Variants in EML6 observed in about 807,000 individuals in gnomAD.
EML6 encodes the protein echinoderm microtubule-associated protein-like 6.
A neutral mutation model predicts 240.1 loss-of-function variants in EML6; 154 were observed. That is an observed-to-expected ratio of 0.64 (90% CI 0.56 to 0.73). The LOEUF (loss-of-function observed/expected upper bound fraction) is 0.73, where lower values mean the gene tolerates loss of function less well. Ranked by LOEUF, EML6 falls within the 30% of genes least tolerant of loss-of-function variation. The pLI, the probability that EML6 is intolerant of heterozygous loss-of-function variation, is 0.00. For synonymous variants in EML6, 1,148 were observed against 899.0 expected, an observed-to-expected ratio of 1.28 and a Z score of -4.95; for missense variants, 2,964 against 2,474.6, an observed-to-expected ratio of 1.20 and a Z score of -4.20.
At chr2:54,792,855 C>T (rs1010802228) in intron 2 of EML6, among the ~76,000 whole-genome samples, 12 of 151,974 alleles carry the variant, frequency 7.9e-5, no homozygotes, top group Admixed American at 1.3e-4. Flanking sequence ...TGAGGACATA[C>T]GGATTATTGG....
intron 7 of EML6, among the ~76,000 whole-genome samples, chr2:54,836,118 G>A (rs899493504): frequency 3.9e-5 from 6 of 152,152 alleles, no homozygotes; most frequent in South Asian, 2.1e-4. Context: ...GCAGAGGCCC[G>A]AGCCTCAGGA....
intron 25 of EML6, among the ~76,000 whole-genome samples, chr2:54,915,639 T>C (rs1673870524): frequency 6.6e-6 from 1 of 152,120 alleles, no homozygotes; most frequent in Admixed American, 6.6e-5. Flanking sequence ...ATGAGAAATT[T>C]GAGGGACTAA....
intron 2 of EML6, among the ~76,000 whole-genome samples, chr2:54,738,136 G>A (rs1449523928): frequency 6.6e-6 from 1 of 150,918 alleles, no homozygotes; most frequent in African/African-American, 2.4e-5. Flanking sequence ...TATTTCTTTT[G>A]ATCCATCTTG....
intron 26 of EML6, among the ~76,000 whole-genome samples, chr2:54,922,205 C>A (rs2104353857): frequency 6.6e-6 from 1 of 152,238 alleles, no homozygotes; most frequent in East Asian, 1.9e-4. Flanking sequence ...ATGAATTTTA[C>A]AACTCAATAG....
intron 2 of EML6, among the ~76,000 whole-genome samples, chr2:54,785,377 T>C (rs1215594423): frequency 6.6e-6 from 1 of 151,994 alleles, no homozygotes; most frequent in Non-Finnish European, 1.5e-5. Flanking sequence ...GGTTTCACCA[T>C]GTTGCCAGGC....
At chr2:54,877,853 T>G (rs1026354262) in intron 16 of EML6, among the ~76,000 whole-genome samples, 1 of 152,254 alleles carries the variant, frequency 6.6e-6, no homozygotes, top group Non-Finnish European at 1.5e-5. Context: ...GGAGAGGATT[T>G]GGTTTGTTAA....
chr2:54,968,789 G>C (rs750674975), intron 41 of EML6, 21 bp downstream of exon 41: 2 of 1,345,586 alleles, frequency 1.5e-6, no homozygotes, highest in South Asian at 2.5e-5. Context: ...AGCTGACCCA[G>C]TTCTTACTCC....
rs1301902320 is a variant in EML6 at position 54,894,963 on chromosome 2, A to G, written c.2791A>G (p.Met931Val). 3 of 1,551,374 alleles carry G rather than the reference A, an allele frequency of 1.9e-6. No individual in the cohort carries two copies. The highest frequency in any genetic ancestry group is 1.7e-6 in the Non-Finnish European group (2 of 1,146,802). The change falls in exon 20 of 42, where the codon ATG becomes GTG. Residue 931 changes from methionine (M) to valine (V), a missense_variant. Transcript: ENST00000356458. The stretch of plus-strand genomic sequence containing the variant: ...CGGCATCGTGGAGCTCTGGGATGAT[A>G]TGTTTGAAAGATGTTTGAAGACTTA... The part of the protein sequence containing the change: ...KDGIVELWDD[M>V]FERCLKTYAI...
In EML6 at chr2:54,850,209, A is replaced by G. The variant is rs766137395; in HGVS notation, c.1435A>G (p.Arg479Gly). ...NDGAGERLFY[R>G]MPSGKPLTSK... ...CGGTGCAGGAGAACGATTGTTCTACAGAATGCCATGTAAGTCATGTGGAGG... is the reference window on the plus strand; with the variant it reads ...CGGTGCAGGAGAACGATTGTTCTACGGAATGCCATGTAAGTCATGTGGAGG... Residue 479 changes from arginine (R) to glycine (G), a missense_variant, in exon 10 of 42, where the codon AGA (arginine) becomes GGA (glycine). Coordinates refer to ENST00000356458, the MANE Select transcript of EML6 (RefSeq NM_001039753.4). 2 of 1,551,224 alleles carry G rather than the reference A, an allele frequency of 1.3e-6. No individual in the cohort carries two copies.
At chr2:54,900,392 G>C (rs1055097454) in intron 22 of EML6, among the ~76,000 whole-genome samples, 3 of 152,172 alleles carry the variant, frequency 2.0e-5, no homozygotes, top group African/African-American at 7.2e-5. Context: ...AATTCGAGGA[G>C]AGTCTTTAAA....
chr2:54,966,291 C>T (rs1676744206), intron 38 of EML6, among the ~76,000 whole-genome samples: 1 of 152,194 alleles, frequency 6.6e-6, no homozygotes, highest in South Asian at 2.1e-4. Flanking sequence ...TAGGTGTTAG[C>T]CAACAGAGAG....
intron 9 of EML6, 98 bp from the exon 10 acceptor site, chr2:54,849,864 C>G (rs1399769044): frequency 2.1e-6 from 2 of 940,226 alleles, no homozygotes; most frequent in African/African-American, 1.7e-5. Flanking sequence ...AGGTTTGGTT[C>G]TCTTTCAACA....
At chr2:54,750,958 G>A (rs1271042516) in intron 2 of EML6, among the ~76,000 whole-genome samples, 1 of 152,132 alleles carries the variant, frequency 6.6e-6, no homozygotes, top group African/African-American at 2.4e-5. Flanking sequence ...GTTATTACCA[G>A]AAGAAAGGGA....
chr2:54,949,178 A>T (rs1675841751), intron 29 of EML6, among the ~76,000 whole-genome samples: 1 of 151,982 alleles, frequency 6.6e-6, no homozygotes, highest in South Asian at 2.1e-4. Context: ...CAGCCCTGTC[A>T]CCAGGTCCTT....
At chr2:54,800,751 A>C (rs910963047) in intron 2 of EML6, among the ~76,000 whole-genome samples, 1 of 151,836 alleles carries the variant, frequency 6.6e-6, no homozygotes, top group African/African-American at 2.4e-5. Context: ...CAGCTTTTTT[A>C]CTCTCAGTGG....
At position 54,964,181 on chromosome 2, in the gene EML6, C is replaced by A. The variant is rs375530732; in HGVS notation, c.5330+23C>A. The A allele has an allele frequency of 5.2e-5, 80 of 1,547,594 alleles. No homozygotes were observed. The African/African-American group carries it at 9.9e-4, about 19-fold the overall frequency. On this transcript the variant is annotated intron_variant, in intron 37 of 41. Transcript: ENST00000356458. ...CAGGTACCTAAGTGGGTGGTCTGGGCATGGAGGAGAAAGGCAAGCATTCTG... is the reference window on the plus strand; with the variant it reads ...CAGGTACCTAAGTGGGTGGTCTGGGAATGGAGGAGAAAGGCAAGCATTCTG...
chr2:54,946,700 C>A (rs1009422197), intron 28 of EML6, among the ~76,000 whole-genome samples: 1 of 152,168 alleles, frequency 6.6e-6, no homozygotes, highest in African/African-American at 2.4e-5. Context: ...GCTCTGGAGA[C>A]AAACACAGGT....
At chr2:54,958,530 AG>A (rs1391308288) in intron 33 of EML6, among the ~76,000 whole-genome samples, 1 of 152,124 alleles carries the variant, frequency 6.6e-6, no homozygotes, top group Non-Finnish European at 1.5e-5. Context: ...CAGAAAAGGT[AG>A]GACACCCACC....
chr2:54,816,971 C>T (rs190459032), intron 4 of EML6, 86 bp downstream of exon 4: 2 of 803,392 alleles, frequency 2.5e-6, no homozygotes, highest in South Asian at 1.5e-5. Flanking sequence ...ATGTTTTTAA[C>T]AGTAAATATT....
Sources: allele counts gnomAD v4.1 joint callset (sites outside exome capture counted in the v4.1 genomes callset), GRCh38; gene constraint gnomAD v4.1.1; transcripts MANE v1.5; gene names NCBI Gene and HGNC (gene_info 2026-07-23, HGNC 2026-07-21).